The following NDST4 variants were observed in gnomAD, a reference collection of about 807,000 sequenced individuals.
NDST4 encodes N-deacetylase and N-sulfotransferase 4, also known as N-heparan sulfate sulfotransferase 4.
In NDST4, 63 loss-of-function variants were observed where a neutral mutation model predicts 100.8. That is an observed-to-expected ratio of 0.62 (90% CI 0.51 to 0.77). NDST4 has a LOEUF of 0.77. NDST4 is among the 30% of genes least tolerant of loss of function. The pLI, the probability that NDST4 is intolerant of heterozygous loss-of-function variation, is 0.00. For missense variants in NDST4, 943 were observed against 1,018.4 expected (o/e 0.93, Z 1.01); for synonymous variants, 377 against 361.8 (o/e 1.04, Z -0.48).
At chr4:114,973,089 T>C (rs1480226260) in intron 3 of NDST4, among the ~76,000 whole-genome samples, 4 of 152,020 alleles carry the variant, frequency 2.6e-5, no homozygotes, top group Non-Finnish European at 4.4e-5. Context: ...ATAAAAAATA[T>C]GATACTAAGC....
In NDST4 at chr4:115,022,755, T is replaced by C. The variant is rs140189373; in HGVS notation, c.979-45481A>G. Among the ~76,000 whole-genome samples, 1,170 of 152,182 alleles carry C rather than the reference T, an allele frequency of 7.7e-3. 9 individuals are homozygous for C. Among genetic ancestry groups the C allele is most frequent in the African/African-American group, 0.025 (1,020 of 41,532 alleles). The stretch of plus-strand genomic sequence containing the variant: ...TTGAATTATGAGGGCGGGTCTTTCC[T>C]GTGCTGGTCTCATGATCGTGAATGA... On this transcript the variant is annotated intron_variant, in intron 2 of 13. Transcript: ENST00000264363.
chr4:114,863,044 C>T (rs1723950126), intron 7 of NDST4, among the ~76,000 whole-genome samples: 1 of 152,160 alleles, frequency 6.6e-6, no homozygotes, highest in Non-Finnish European at 1.5e-5. Context: ...GCCTGTTAAT[C>T]AAAACTTTAT....
chr4:115,025,142 G>C (rs1156445329), intron 2 of NDST4, among the ~76,000 whole-genome samples: 1 of 151,942 alleles, frequency 6.6e-6, no homozygotes, highest in Non-Finnish European at 1.5e-5. Flanking sequence ...ACAAAACAAA[G>C]ACAGACCCCA....
chr4:115,065,221 C>T (rs925554268), intron 2 of NDST4, among the ~76,000 whole-genome samples: 1 of 151,964 alleles, frequency 6.6e-6, no homozygotes, highest in Non-Finnish European at 1.5e-5. Context: ...TCTGTCTTAG[C>T]TACTTTCCAC....
chr4:115,073,377 A>G (rs1246000680), intron 2 of NDST4, among the ~76,000 whole-genome samples: 1 of 152,064 alleles, frequency 6.6e-6, no homozygotes, highest in Non-Finnish European at 1.5e-5. Flanking sequence ...TGTTCATTTA[A>G]GCATTATTTA....
chr4:114,978,481 A>C (rs1726687200), intron 2 of NDST4, among the ~76,000 whole-genome samples: 2 of 152,096 alleles, frequency 1.3e-5, no homozygotes, highest in Admixed American at 6.6e-5. Context: ...AACATTATTA[A>C]ATATTATCAA....
intron 2 of NDST4, among the ~76,000 whole-genome samples, chr4:115,062,510 AGTT>A (rs1424895261): frequency 3.3e-5 from 5 of 151,878 alleles, no homozygotes; most frequent in African/African-American, 9.7e-5. Context: ...AATAAAATTA[AGTT>A]GTTGTATGAA....
At chr4:115,004,529 C>A (rs921176205) in intron 2 of NDST4, among the ~76,000 whole-genome samples, 2 of 152,038 alleles carry the variant, frequency 1.3e-5, no homozygotes, top group Admixed American at 6.6e-5. Context: ...TTCTGAGCTG[C>A]GGCTGAGAAA....
intron 2 of NDST4, among the ~76,000 whole-genome samples, chr4:115,019,752 C>T (rs1727768914): frequency 6.6e-6 from 1 of 152,092 alleles, no homozygotes; most frequent in African/African-American, 2.4e-5. Context: ...GGCATAAGGG[C>T]TCTGCCCTCA....
At chr4:114,831,105 T>C (rs756201452) in intron 12 of NDST4, among the ~76,000 whole-genome samples, 6 of 151,486 alleles carry the variant, frequency 4.0e-5, no homozygotes, top group Admixed American at 2.6e-4. Flanking sequence ...GACTGCGGAC[T>C]GCAGTGGCGC....
chr4:115,042,139 A>G (rs1728364208), intron 2 of NDST4, among the ~76,000 whole-genome samples: 1 of 152,140 alleles, frequency 6.6e-6, no homozygotes, highest in Admixed American at 6.6e-5. Context: ...GAAATAAACA[A>G]TTCATAAGTT....
intron 2 of NDST4, among the ~76,000 whole-genome samples, chr4:115,073,288 A>C (rs546883534): frequency 5.3e-5 from 8 of 152,168 alleles, no homozygotes; most frequent in Admixed American, 3.9e-4. Flanking sequence ...TGGAACTACC[A>C]TATGATCTAG....
intron 4 of NDST4, among the ~76,000 whole-genome samples, chr4:114,959,241 T>C (rs1726207095): frequency 6.6e-6 from 1 of 152,200 alleles, no homozygotes; most frequent in South Asian, 2.1e-4. Context: ...CCTTCCAAGC[T>C]GTTCCAACCT....
intron 7 of NDST4, among the ~76,000 whole-genome samples, chr4:114,855,185 T>A (rs1723766949): frequency 6.6e-6 from 1 of 152,162 alleles, no homozygotes. Flanking sequence ...TGGTTAAAAA[T>A]TCATTCTCAG....
At chr4:115,063,362 A>G (rs1038053969) in intron 2 of NDST4, among the ~76,000 whole-genome samples, 1 of 152,006 alleles carries the variant, frequency 6.6e-6, no homozygotes, top group Non-Finnish European at 1.5e-5. Context: ...GACAATGTCT[A>G]TGACTACTTT....
intron 2 of NDST4, among the ~76,000 whole-genome samples, chr4:115,018,194 G>A (rs1464031174): frequency 6.6e-6 from 1 of 151,786 alleles, no homozygotes; most frequent in African/African-American, 2.4e-5. Context: ...AAGTACAAAT[G>A]AAAGCCATTG....
intron 10 of NDST4, among the ~76,000 whole-genome samples, chr4:114,841,712 A>T (rs1269730593): frequency 6.6e-6 from 1 of 152,204 alleles, no homozygotes; most frequent in African/African-American, 2.4e-5. Flanking sequence ...TACTGAAAAA[A>T]TAAGTTTATC....
rs202173066 is a variant in NDST4, at chr4:114,977,246, C to T, written c.1007G>A (p.Arg336His). The T allele has an allele frequency of 3.1e-5, 50 of 1,608,632 alleles. No individual in the cohort carries two copies. Among genetic ancestry groups the T allele is most frequent in the African/African-American group, 1.3e-4 (10 of 74,690 alleles). The part of the protein sequence containing the change: ...KALLETQNLL[R>H]TQVANFTFNL... Reference sequence around the variant, plus strand: ...GAAGGTAAAATTTGCAACCTGAGTGCGCAGTAAATTTTGAGTCTCTAGTAA... The same window carrying T: ...GAAGGTAAAATTTGCAACCTGAGTGTGCAGTAAATTTTGAGTCTCTAGTAA... The change falls in exon 3 of 14, where the codon CGC (arginine) becomes CAC (histidine). Residue 336 changes from arginine to histidine, a missense_variant. Arg to His is a conservative substitution (Grantham distance 29). This residue lies in a region of NDST4 where 526 missense variants were observed against 634.1 expected (regional missense o/e 0.83). Coordinates refer to ENST00000264363, the MANE Select transcript of NDST4 (RefSeq NM_022569.3).
chr4:114,956,248 ATC>A (rs1726139081), intron 4 of NDST4, among the ~76,000 whole-genome samples: 1 of 152,240 alleles, frequency 6.6e-6, no homozygotes, highest in East Asian at 1.9e-4. Flanking sequence ...AGTTACCTTT[ATC>A]TCTGAGCAGT....
Sources: gnomAD v4.1 joint callset for allele counts (sites outside exome capture counted in the v4.1 genomes callset) on GRCh38, gnomAD v4.1.1 for gene constraint, gnomAD v4.1.1 regional missense constraint, MANE v1.5 for transcripts, NCBI Gene and HGNC (gene_info 2026-07-23, HGNC 2026-07-21) for gene names.